Variants in ACAP2 observed in about 807,000 individuals in gnomAD.
ACAP2 encodes arf-GAP with coiled-coil, ANK repeat and PH domain-containing protein 2.
Under a neutral mutation model 115.8 loss-of-function variants are expected in ACAP2, and 39 were observed. That is an observed-to-expected ratio of 0.34 (90% confidence interval 0.26 to 0.44). The LOEUF (loss-of-function observed/expected upper bound fraction) is 0.44, where lower values mean the gene tolerates loss of function less well. Among genes scored for constraint, ACAP2 ranks in the 20% least tolerant of loss-of-function variants. The pLI is 1.00. For synonymous variants in ACAP2, 289 were observed against 315.8 expected, an observed-to-expected ratio of 0.92 and a Z score of 0.90; for missense variants, 662 against 927.6, an observed-to-expected ratio of 0.71 and a Z score of 3.72.
intron 1 of ACAP2, among the ~76,000 whole-genome samples, chr3:195,416,582 C>T (rs763804931): frequency 6.6e-6 from 1 of 152,102 alleles, no homozygotes; most frequent in Non-Finnish European, 1.5e-5. Flanking sequence ...CTCCCTAGCT[C>T]TCACATGTGC....
chr3:195,436,806 A>G (rs1715577335), intron 1 of ACAP2, among the ~76,000 whole-genome samples: 1 of 152,210 alleles, frequency 6.6e-6, no homozygotes, highest in Non-Finnish European at 1.5e-5. Context: ...ATCAATGAAG[A>G]ATGAATTTTT....
At chr3:195,381,627 T>C (rs1390947365) in intron 3 of ACAP2, among the ~76,000 whole-genome samples, 2 of 152,096 alleles carry the variant, frequency 1.3e-5, no homozygotes, top group Non-Finnish European at 2.9e-5. Flanking sequence ...CTCTGACAGG[T>C]GCTTCAGCTC....
At chr3:195,407,047 G>A (rs73208920) in intron 1 of ACAP2, among the ~76,000 whole-genome samples, 3 of 147,360 alleles carry the variant, frequency 2.0e-5, no homozygotes, top group Non-Finnish European at 3.0e-5. Context: ...AGAGAGAGAG[G>A]AAGGAAGGCA....
Position 195,292,267 on chromosome 3 carries a change from CT to C in ACAP2, c.1950del (p.Gly652AlafsTer4). The C allele has an allele frequency of 6.3e-7, 1 of 1,588,964 alleles. No individual in the cohort carries two copies. Among genetic ancestry groups the C allele is most frequent in the Non-Finnish European group, 8.5e-7 (1 of 1,173,300 alleles). On this transcript the variant is annotated frameshift_variant, in exon 19 of 23. Coordinates refer to ENST00000326793, the MANE Select transcript of ACAP2 (RefSeq NM_012287.6). LOFTEE classifies it high-confidence loss of function. ...NKATPLIQAVLGGSLVTCEFL... is the reference protein window; with the variant it reads ...NKATPLIQAVXGGSLVTCEFL... ...AATGTCATTGTATAAACGCATACCC[CT>C]AATACAGCCTGAATAAGTGGTGTCG...
chr3:195,380,232 A>C (rs1351386586), intron 4 of ACAP2, among the ~76,000 whole-genome samples: 1 of 152,214 alleles, frequency 6.6e-6, no homozygotes, highest in Non-Finnish European at 1.5e-5. Flanking sequence ...AATTAAAATA[A>C]ACATTGTCAT....
At chr3:195,334,319 T>C (rs1342213046) in intron 7 of ACAP2, among the ~76,000 whole-genome samples, 1 of 151,486 alleles carries the variant, frequency 6.6e-6, no homozygotes, top group Admixed American at 6.6e-5. Context: ...TTGAACAAAT[T>C]TGTGAATAAA....
At chr3:195,328,557 T>C (rs1245725438) in intron 8 of ACAP2, among the ~76,000 whole-genome samples, 3 of 152,144 alleles carry the variant, frequency 2.0e-5, no homozygotes, top group African/African-American at 4.8e-5. Flanking sequence ...ATACCGTACA[T>C]GGTGCGCTAG....
chr3:195,408,331 G>A (rs914387993), intron 1 of ACAP2, among the ~76,000 whole-genome samples: 1 of 152,116 alleles, frequency 6.6e-6, no homozygotes, highest in African/African-American at 2.4e-5. Context: ...GGCATTGGTG[G>A]CTCACACCTG....
intron 6 of ACAP2, among the ~76,000 whole-genome samples, chr3:195,337,423 T>C (rs1015402531): frequency 1.3e-5 from 2 of 151,668 alleles, no homozygotes; most frequent in Non-Finnish European, 2.9e-5. Flanking sequence ...CTACAATCCA[T>C]TATACACACG....
intron 1 of ACAP2, chr3:195,441,971 G>C (rs1359421352): frequency 1.3e-5 from 2 of 152,238 alleles, no homozygotes; most frequent in East Asian, 1.9e-4. Flanking sequence ...ACTGTGATCC[G>C]GGCCCTCCTG....
intron 1 of ACAP2, among the ~76,000 whole-genome samples, chr3:195,397,123 G>A (rs1034783646): frequency 1.3e-5 from 2 of 152,122 alleles, no homozygotes; most frequent in Non-Finnish European, 2.9e-5. Context: ...TTTTGAAACT[G>A]TTGTATTCTT....
chr3:195,420,498 G>A (rs547690671), intron 1 of ACAP2, among the ~76,000 whole-genome samples: 31 of 151,986 alleles, frequency 2.0e-4, no homozygotes, highest in African/African-American at 7.2e-4. Context: ...ATAGGCGCGT[G>A]CCACCACACC....
chr3:195,357,594 G>A (rs1038926780), intron 4 of ACAP2: 2 of 152,214 alleles, frequency 1.3e-5, no homozygotes, highest in Non-Finnish European at 2.9e-5. Context: ...AGGAGTGCTT[G>A]TATCACCCCT....
chr3:195,424,245 GT>G (rs1714445147), intron 1 of ACAP2, among the ~76,000 whole-genome samples: 1 of 46,246 alleles, frequency 2.2e-5, no homozygotes, highest in African/African-American at 8.2e-5. Flanking sequence ...TGTGTGTGTG[GT>G]GTGTGTGTGT....
intron 1 of ACAP2, chr3:195,442,215 C>G (rs891974764): frequency 6.5e-6 from 1 of 153,010 alleles, no homozygotes; most frequent in Non-Finnish European, 1.5e-5. Flanking sequence ...ACGCATCCAC[C>G]GCGGGCGCCC....
At chr3:195,280,767 A>G (rs1476556288) in intron 22 of ACAP2, 1 of 152,238 alleles carries the variant, frequency 6.6e-6, no homozygotes, top group Non-Finnish European at 1.5e-5. Flanking sequence ...TCTTATTTTC[A>G]AGATAAATCG....
chr3:195,287,548 G>A (rs1726925194), intron 21 of ACAP2, among the ~76,000 whole-genome samples: 1 of 152,002 alleles, frequency 6.6e-6, no homozygotes, highest in Admixed American at 6.6e-5. Flanking sequence ...CAGCTTCTGG[G>A]CTCAAGCAAC....
Position 195,442,881 on chromosome 3 carries a change from C to A in ACAP2, c.-34G>T. 6.7e-7 allele frequency: 1 copy of A among 1,502,726 alleles called. No individual in the cohort carries two copies. The highest frequency in any genetic ancestry group is 8.9e-7 in the Non-Finnish European group (1 of 1,126,670). 93.1% of individuals were successfully genotyped at this position (1,502,726 alleles called of 1,614,324 possible). On this transcript the variant is annotated 5_prime_UTR_variant, in exon 1 of 23. Transcript: ENST00000326793. Reference sequence around the variant, plus strand: ...CGCCTCGCAGGCGGCGCTGGCAAAGCCGAGGGGGCCGCGGGAGCGGCCGCG... The same window carrying A: ...CGCCTCGCAGGCGGCGCTGGCAAAGACGAGGGGGCCGCGGGAGCGGCCGCG...
chr3:195,410,859 G>A (rs1713202029), intron 1 of ACAP2: 1 of 180,288 alleles, frequency 5.5e-6, no homozygotes, highest in Non-Finnish European at 1.2e-5. Flanking sequence ...AAAAGAGGCT[G>A]AAGAAAGGGT....
Sources: allele counts gnomAD v4.1 joint callset (sites outside exome capture counted in the v4.1 genomes callset), GRCh38; gene constraint gnomAD v4.1.1; transcripts MANE v1.5; gene names NCBI Gene and HGNC (gene_info 2026-07-23, HGNC 2026-07-21).